MACROH2A1: variants seen among roughly 807,000 people sequenced by gnomAD.
MACROH2A1 encodes the protein macroH2A.1 histone, also known as core histone macro-H2A.1.
In MACROH2A1, 2 loss-of-function variants were observed where a neutral mutation model predicts 31.6. The ratio of observed to expected loss-of-function variants is 0.06; its 90% CI spans 0.03 to 0.20. MACROH2A1 has a LOEUF of 0.20. Among genes scored for constraint, MACROH2A1 ranks in the 10% least tolerant of loss-of-function variants. The probability of loss-of-function intolerance (pLI) is 1.00; values close to 1 mark genes in which losing one functional copy is unlikely to be tolerated. For synonymous variants in MACROH2A1, 169 were observed against 189.6 expected, an observed-to-expected ratio of 0.89 and a Z score of 0.89; for missense variants, 230 against 474.0, an observed-to-expected ratio of 0.49 and a Z score of 4.78.
intron 2 of MACROH2A1, among the ~76,000 whole-genome samples, chr5:135,374,493 C>A (rs1007031856): frequency 6.6e-6 from 1 of 152,230 alleles, no homozygotes; most frequent in East Asian, 1.9e-4. Flanking sequence ...TGCCTGCCCC[C>A]CATGCACACT....
chr5:135,365,850 C>T (rs767189556), intron 4 of MACROH2A1, among the ~76,000 whole-genome samples: 1 of 152,268 alleles, frequency 6.6e-6, no homozygotes, highest in South Asian at 2.1e-4. Flanking sequence ...TCAGAATGAA[C>T]GCTACAACAA....
intron 5 of MACROH2A1, chr5:135,353,256 A>G (rs1761795468): frequency 3.8e-6 from 2 of 531,502 alleles, no homozygotes; most frequent in Non-Finnish European, 6.7e-6. Flanking sequence ...ATGAATGTTC[A>G]GAGCCCGTGG....
At chr5:135,385,678 T>C (rs571132436) in intron 2 of MACROH2A1, among the ~76,000 whole-genome samples, 1 of 152,212 alleles carries the variant, frequency 6.6e-6, no homozygotes, top group East Asian at 1.9e-4. Context: ...GCAGATCCCC[T>C]TTCCCAGTTC....
chr5:135,360,037 C>A (rs187466886), intron 5 of MACROH2A1: 330 of 332,522 alleles, frequency 9.9e-4, no homozygotes, highest in Admixed American at 4.1e-3. Flanking sequence ...CCCATCAGTA[C>A]AGTCTGAAAA....
At chr5:135,378,008 C>A (rs1345382218) in intron 2 of MACROH2A1, among the ~76,000 whole-genome samples, 1 of 152,200 alleles carries the variant, frequency 6.6e-6, no homozygotes, top group East Asian at 1.9e-4. Context: ...TGCTGTCTGC[C>A]GGTGTGGATT....
intron 4 of MACROH2A1, chr5:135,362,449 G>C (rs2149810483): frequency 6.6e-6 from 1 of 152,324 alleles, no homozygotes; most frequent in East Asian, 1.9e-4. Flanking sequence ...AAAGAGTTCA[G>C]AGGACTGAAT....
intron 8 of MACROH2A1, among the ~76,000 whole-genome samples, chr5:135,337,779 ACAC>A (rs1759031136): frequency 1.3e-5 from 2 of 152,176 alleles, no homozygotes; most frequent in Admixed American, 1.3e-4. Context: ...TGCAGTGCCC[ACAC>A]CTGCCTACCG....
chr5:135,371,576 G>A (rs1317560005), intron 2 of MACROH2A1, among the ~76,000 whole-genome samples: 1 of 152,198 alleles, frequency 6.6e-6, no homozygotes, highest in African/African-American at 2.4e-5. Context: ...GAACTAGGAA[G>A]TACCCTTTGG....
At chr5:135,384,887 T>C (rs1198792552) in intron 2 of MACROH2A1, among the ~76,000 whole-genome samples, 1 of 152,206 alleles carries the variant, frequency 6.6e-6, no homozygotes, top group Non-Finnish European at 1.5e-5. Flanking sequence ...GTGGCAACTC[T>C]GGCACCAATG....
At chr5:135,339,578 G>A (rs1759423482) in intron 8 of MACROH2A1, among the ~76,000 whole-genome samples, 1 of 152,206 alleles carries the variant, frequency 6.6e-6, no homozygotes, top group Non-Finnish European at 1.5e-5. Flanking sequence ...ATTGACGGCT[G>A]GGGAGGAGTA....
At chr5:135,335,321 G>T (rs1245203684) in intron 8 of MACROH2A1, among the ~76,000 whole-genome samples, 180 bp from the exon 9 acceptor site, 1 of 152,206 alleles carries the variant, frequency 6.6e-6, no homozygotes, top group Non-Finnish European at 1.5e-5. Flanking sequence ...AAGATGGGAT[G>T]GGGGACAGAC....
chr5:135,371,674 C>T (rs1256475084), intron 2 of MACROH2A1, among the ~76,000 whole-genome samples: 4 of 152,176 alleles, frequency 2.6e-5, no homozygotes, highest in South Asian at 2.1e-4. Flanking sequence ...GTGAGGCATA[C>T]GGATAGACCC....
chr5:135,335,815 C>T (rs1043140120), intron 8 of MACROH2A1, among the ~76,000 whole-genome samples: 1 of 152,244 alleles, frequency 6.6e-6, no homozygotes, highest in Admixed American at 6.5e-5. Flanking sequence ...GAAATCAGGA[C>T]TGGCAAGACT....
rs758691377 is a variant in MACROH2A1 at position 135,389,145 on chromosome 5, C to T, written c.-33-19G>A. 5 of 1,571,726 alleles carry T rather than the reference C, an allele frequency of 3.2e-6. No individual in the cohort carries two copies. Among genetic ancestry groups the T allele is most frequent in the Middle Eastern group, 1.8e-4 (1 of 5,442 alleles). ...GAGCACACTGTGAAGGCGAGAGGCA[C>T]ACCGGTCAGGGTGGCTGGGGACAGC... On this transcript the variant is annotated intron_variant, in intron 1 of 8. Transcript: ENST00000511689.
chr5:135,389,703 G>C (rs941254543), intron 1 of MACROH2A1, among the ~76,000 whole-genome samples: 6 of 152,178 alleles, frequency 3.9e-5, no homozygotes, highest in Non-Finnish European at 2.9e-5. Flanking sequence ...AGAGAGAGGT[G>C]TTTTTTCCTT....
intron 5 of MACROH2A1, 57 bp from the exon 6 acceptor site, chr5:135,353,102 G>C: frequency 9.3e-7 from 1 of 1,079,342 alleles, no homozygotes; most frequent in Non-Finnish European, 1.4e-6. Flanking sequence ...TCTCAGAGAA[G>C]GAGCCTTGGG....
chr5:135,335,253 G>A lies in MACROH2A1; in HGVS notation c.954-112C>T, dbSNP rs375683825. 1.7e-5 allele frequency: 13 copies of A among 760,452 alleles called. No individual in the cohort carries two copies. In the East Asian group the frequency reaches 1.8e-4, roughly 11 times the overall value. 47.1% of individuals were successfully genotyped at this position (760,452 alleles called of 1,614,324 possible). On this transcript the variant is annotated intron_variant, in intron 8 of 8. Transcript: ENST00000511689. ...GCTGCAGCTTGCCTTGTGTTGGGTC[G>A]GTGTCTGTTGAGCCCCGTGTCTGCT...
At chr5:135,361,636 A>G (rs1031805205) in intron 4 of MACROH2A1, 5 of 152,232 alleles carry the variant, frequency 3.3e-5, no homozygotes, top group African/African-American at 9.6e-5. Context: ...GGGAGGGTCT[A>G]GTGGGAGAAA....
At chr5:135,339,321 T>A (rs185979628) in intron 8 of MACROH2A1, among the ~76,000 whole-genome samples, 1 of 152,264 alleles carries the variant, frequency 6.6e-6, no homozygotes, top group Admixed American at 6.5e-5. Context: ...CACGGTCCTG[T>A]CTGGACACGC....
Sources: allele counts gnomAD v4.1 joint callset (sites outside exome capture counted in the v4.1 genomes callset), GRCh38; gene constraint gnomAD v4.1.1; transcripts MANE v1.5; gene names NCBI Gene and HGNC (gene_info 2026-07-23, HGNC 2026-07-21).